The following SREBF1 variants were observed in gnomAD, a reference collection of about 807,000 sequenced individuals.
SREBF1 encodes the protein sterol regulatory element-binding protein 1.
In SREBF1, 45 loss-of-function variants were observed where a neutral mutation model predicts 100.1. That is an observed-to-expected ratio of 0.45 (90% CI 0.35 to 0.58). The LOEUF is 0.58. Among genes scored for constraint, SREBF1 ranks in the 20% least tolerant of loss-of-function variants. The probability of loss-of-function intolerance (pLI) is 0.00; values close to 1 mark genes in which losing one functional copy is unlikely to be tolerated. For missense variants in SREBF1, 1,324 were observed against 1,539.4 expected (o/e 0.86, Z 2.34); for synonymous variants, 657 against 681.8 (o/e 0.96, Z 0.57).
In SREBF1 at chr17:17,819,104, G is replaced by A. The variant is rs769024663; in HGVS notation, c.977C>T (p.Thr326Ile). ...ASAQSRGEKR[T>I]AHNAIEKRYR... ...GCGCTTCTCAATGGCGTTGTGGGCT[G>A]TGCGCTTCTCTCCACGGCTCTGGGC... is the stretch of plus-strand genomic sequence containing the variant. The change falls in exon 5 of 19, where the codon ACA becomes ATA. Residue 326 changes from threonine (T) to isoleucine (I), a missense_variant. Physicochemically the swap from Thr to Ile is moderately conservative, Grantham distance 89. Coordinates refer to ENST00000261646, the MANE Select transcript of SREBF1 (RefSeq NM_004176.5). 3 of 1,613,956 alleles carry A rather than the reference G, an allele frequency of 1.9e-6. No homozygotes were observed. The highest frequency in any genetic ancestry group is 1.7e-5 in the Admixed American group (1 of 60,016).
chr17:17,817,909 C>A lies in SREBF1; in HGVS notation c.1191G>T (p.Leu397=). The A allele has an allele frequency of 6.2e-7, 1 of 1,600,874 alleles. No individual in the cohort carries two copies. The highest frequency in any genetic ancestry group is 1.7e-5 in the Admixed American group (1 of 60,016). The change falls in exon 7 of 19, where the codon CTG becomes CTT. Residue 397 remains leucine (L), a synonymous_variant. Transcript: ENST00000261646. This position sits in a 1 kb window ranked among gnomAD's most constrained non-coding sequence, Gnocchi z 6.6. The stretch of plus-strand genomic sequence containing the variant: ...TGCCACAGGCCGACACCAGATCCTT[C>A]AGAGATTCTGTGGGCCGAAAGGAAC... ...LRTAVHKSKS[L]KDLVSACGSG...
intron 13 of SREBF1, 28 bp downstream of exon 13, chr17:17,815,193 G>A: frequency 6.3e-7 from 1 of 1,597,286 alleles, no homozygotes; most frequent in Non-Finnish European, 8.6e-7. Flanking sequence ...GAGGGGCCTT[G>A]CCTGGAGGAG....
At chr17:17,816,100 G>GC in intron 11 of SREBF1, 72 bp from the exon 12 acceptor site, 1 of 1,515,872 alleles carries the variant, frequency 6.6e-7, no homozygotes, top group Non-Finnish European at 8.9e-7. Context: ...GTCCCAGCTT[G>GC]GCCTGGAGTC....
Position 17,820,037 on chromosome 17 carries a change from T to C in SREBF1, c.523+53A>G, listed in dbSNP as rs2033969853. ...ACATCACAGCAGAAGCTTCTTCCTG[T>C]GCTCCTGGAAGCCCCACCCCGGGTG... On this transcript the variant is annotated intron_variant, in intron 2 of 18. Transcript: ENST00000261646. 2.6e-6 allele frequency: 4 copies of C among 1,542,462 alleles called. No homozygotes were observed. The South Asian group carries it at 4.9e-5, about 19-fold the overall frequency.
At position 17,816,208 on chromosome 17, in the gene SREBF1, G is replaced by A; in HGVS notation, c.2213C>T (p.Thr738Ile). The A allele has an allele frequency of 2.3e-6, 1 of 432,614 alleles. No homozygotes were observed. 26.8% of individuals were successfully genotyped at this position (432,614 alleles called of 1,614,324 possible). A position where few individuals can be genotyped will look rare whatever the true frequency, so the allele number is the denominator to read the frequency against. Residue 738 changes from threonine to isoleucine, a missense_variant and splice_region_variant, in exon 11 of 19, where the codon ACA becomes ATA. Thr to Ile is a moderately conservative substitution (Grantham distance 89, BLOSUM62 -1). Coordinates refer to ENST00000261646, the MANE Select transcript of SREBF1 (RefSeq NM_004176.5). ...TSLPRALHFL[T>I]RFFLSSARQA... is the part of the protein sequence containing the mutation. The stretch of plus-strand genomic sequence containing the variant: ...CCCCCAGCCCCCCAACCCACTCACT[G>A]TCAGAAAATGCAAGGCCCGTGGGAG...
chr17:17,823,463 C>T, intron 1 of SREBF1: 1 of 1,356,312 alleles, frequency 7.4e-7, no homozygotes, highest in East Asian at 2.3e-5. Context: ...CCAGGAGAAC[C>T]TGCAGGAGAC....
chr17:17,816,188 A>AACCCCCCAACCCCCCCACCCCC lies in SREBF1; in HGVS notation c.2214+18_2214+19insGGGGGTGGGGGGGTTGGGGGGT. The AACCCCCCAACCCCCCCACCCCC allele has an allele frequency of 1.3e-6, 1 of 789,262 alleles. No individual in the cohort carries two copies. The highest frequency in any genetic ancestry group is 1.7e-6 in the Non-Finnish European group (1 of 602,612). 48.9% of individuals were successfully genotyped at this position (789,262 alleles called of 1,614,324 possible). On this transcript the variant is annotated intron_variant, in intron 11 of 18. Transcript: ENST00000261646. ...GAGAGAGCTGCAGGGATAAGCCCCC[A>AACCCCCCAACCCCCCCACCCCC]GCCCCCCAACCCACTCACTGTCAGA...
chr17:17,831,465 G>A (rs182796727), intron 1 of SREBF1, among the ~76,000 whole-genome samples: 4 of 152,234 alleles, frequency 2.6e-5, no homozygotes, highest in East Asian at 1.9e-4. Context: ...AGCCTCTGAC[G>A]GGGCTTGGCA....
In SREBF1 at chr17:17,818,144, G is replaced by C; in HGVS notation, c.1183+116C>G. On this transcript the variant is annotated intron_variant, in intron 6 of 18. Transcript: ENST00000261646. ...GCTACAGCCAAGGGTGAGGTGGGCA[G>C]GGCAGAGGGTGGGCCAGAACCAAGG... The C allele has an allele frequency of 6.7e-6, 6 of 901,716 alleles. No individual in the cohort carries two copies. The South Asian group carries it at 8.5e-5, about 13-fold the overall frequency. The allele number at this position is 901,716 out of a possible 1,614,324, so 55.9% of individuals were successfully genotyped here.
In SREBF1 at chr17:17,811,546, G is replaced by T. The variant is rs1321936306; in HGVS notation, c.*1076C>A. 1.3e-5 allele frequency: 4 copies of T among 310,542 alleles called. No homozygotes were observed. The highest frequency in any genetic ancestry group is 2.5e-5 in the Non-Finnish European group (4 of 162,396). The allele number at this position is 310,542 out of a possible 1,614,324, so 19.2% of individuals were successfully genotyped here. A position where few individuals can be genotyped will look rare whatever the true frequency, so the allele number is the denominator to read the frequency against. The stretch of plus-strand genomic sequence containing the variant: ...AATGAAGGGAGGGGCTGGGGGGGGG[G>T]GCATGAATGGAGTCAGGGAGTCGGC... On this transcript the variant is annotated 3_prime_UTR_variant, in exon 19 of 19. Transcript: ENST00000261646.
At position 17,812,090 on chromosome 17, in the gene SREBF1, C is replaced by T. The variant is rs1373062378; in HGVS notation, c.*532G>A. ...ACAAAACCCAGATTATAAATAATTT[C>T]ATTTTTAATTCTCTGTACAAAACTT... is the stretch of plus-strand genomic sequence containing the variant. On this transcript the variant is annotated 3_prime_UTR_variant, in exon 19 of 19. Transcript: ENST00000261646. The T allele has an allele frequency of 2.3e-6, 1 of 432,402 alleles. No individual in the cohort carries two copies. The highest frequency in any genetic ancestry group is 2.1e-5 in the African/African-American group (1 of 48,126). 26.8% of individuals were successfully genotyped at this position (432,402 alleles called of 1,614,324 possible).
intron 1 of SREBF1, among the ~76,000 whole-genome samples, chr17:17,822,447 G>A (rs986866524): frequency 6.6e-6 from 1 of 152,232 alleles, no homozygotes; most frequent in East Asian, 1.9e-4. Context: ...GTAAAAGCAA[G>A]TGCTGTCTGT....
Position 17,812,564 on chromosome 17 carries a change from A to G in SREBF1, c.*58T>C, listed in dbSNP as rs1950548621. 2 of 1,520,250 alleles carry G rather than the reference A, an allele frequency of 1.3e-6. No homozygotes were observed. Among genetic ancestry groups the G allele is most frequent in the Non-Finnish European group, 1.8e-6 (2 of 1,119,052 alleles). The allele number at this position is 1,520,250 out of a possible 1,614,324, so 94.2% of individuals were successfully genotyped here. A position where few individuals can be genotyped will look rare whatever the true frequency, so the allele number is the denominator to read the frequency against. ...CCTTCAAAGCTTCGACGCAGGACAGAAGCTGCACGGGACCAAAGTGGCTAG... is the reference window on the plus strand; with the variant it reads ...CCTTCAAAGCTTCGACGCAGGACAGGAGCTGCACGGGACCAAAGTGGCTAG... On this transcript the variant is annotated 3_prime_UTR_variant, in exon 19 of 19. Coordinates refer to ENST00000261646, the MANE Select transcript of SREBF1 (RefSeq NM_004176.5).
intron 6 of SREBF1, 68 bp downstream of exon 6, chr17:17,818,192 G>A (rs2033794182): frequency 7.3e-7 from 1 of 1,367,700 alleles, no homozygotes; most frequent in Non-Finnish European, 1.0e-6. Flanking sequence ...TAGGGATGGG[G>A]TGGGGCCGGG....
chr17:17,813,411 G>A lies in SREBF1; in HGVS notation c.3171C>T (p.Leu1057=), dbSNP rs112841913. The A allele has an allele frequency of 2.5e-5, 40 of 1,602,634 alleles. No individual in the cohort carries two copies. In the African/African-American group the frequency reaches 2.5e-4, roughly 10 times the overall value. ...CTGCCCGCCGCCTCAGACTGCGGTCGAGGAGCTGGTGTGTCCGTGTGGGGC... is the reference window on the plus strand; with the variant it reads ...CTGCCCGCCGCCTCAGACTGCGGTCAAGGAGCTGGTGTGTCCGTGTGGGGC... ...GASPTRTHQL[L]DRSLRRRAGP... Residue 1057 remains leucine (L), a synonymous_variant, in exon 18 of 19, where the codon CTC becomes CTT. Coordinates refer to ENST00000261646, the MANE Select transcript of SREBF1 (RefSeq NM_004176.5).
At chr17:17,814,572 G>A (rs914856170) in intron 15 of SREBF1, 43 bp downstream of exon 15, 4 of 1,536,458 alleles carry the variant, frequency 2.6e-6, no homozygotes, top group Admixed American at 2.0e-5. Context: ...GATGAGGAAG[G>A]CTGAGCCCGG....
rs2033678314 is a variant in SREBF1, at chr17:17,817,185, C to T, written c.1607-49G>A. The T allele has an allele frequency of 3.1e-6, 5 of 1,612,232 alleles. No individual in the cohort carries two copies. The highest frequency in any genetic ancestry group is 2.2e-5 in the South Asian group (2 of 91,052). On this transcript the variant is annotated intron_variant, in intron 8 of 18. Coordinates refer to ENST00000261646, the MANE Select transcript of SREBF1 (RefSeq NM_004176.5). This position sits in a 1 kb window ranked among gnomAD's most constrained non-coding sequence, Gnocchi z 6.6. ...GACACAGCTCCCAGGAAATCCAGAG[C>T]CCCAAGTTCACAAGCCTGGGGGCTC...
chr17:17,818,877 G>C (rs2033860008), intron 5 of SREBF1, 136 bp downstream of exon 5: 1 of 1,027,330 alleles, frequency 9.7e-7, no homozygotes, highest in Non-Finnish European at 1.5e-6. Flanking sequence ...AACGAGGCTG[G>C]CCAGGCCTGG....
At chr17:17,822,362 C>T (rs1405246584) in intron 1 of SREBF1, among the ~76,000 whole-genome samples, 1 of 152,252 alleles carries the variant, frequency 6.6e-6, no homozygotes, top group African/African-American at 2.4e-5. Flanking sequence ...GTTCTGGGCT[C>T]AAGTCCAGGC....
Sources: gnomAD v4.1 joint callset for allele counts (sites outside exome capture counted in the v4.1 genomes callset) on GRCh38, gnomAD v4.1.1 for gene constraint, Gnocchi (gnomAD v3.1) non-coding constraint, MANE v1.5 for transcripts, NCBI Gene and HGNC (gene_info 2026-07-23, HGNC 2026-07-21) for gene names.